Variants in NTNG1 observed in about 807,000 individuals in gnomAD.
NTNG1 encodes netrin G1, also known as netrin-G1.
Under a neutral mutation model 54.0 loss-of-function variants are expected in NTNG1, and 16 were observed. That is an observed-to-expected ratio of 0.30 (90% CI 0.20 to 0.45). NTNG1 has a LOEUF of 0.45. NTNG1 is among the 20% of genes least tolerant of loss of function. The pLI is 1.00. For synonymous variants in NTNG1, 255 were observed against 263.1 expected (o/e 0.97, Z 0.30); for missense variants, 530 against 678.7 (o/e 0.78, Z 2.43).
At chr1:107,281,540 A>G (rs990709539) in intron 2 of NTNG1, among the ~76,000 whole-genome samples, 6 of 152,198 alleles carry the variant, frequency 3.9e-5, no homozygotes, top group Non-Finnish European at 7.3e-5. Flanking sequence ...GTTGGCACAG[A>G]ACTGTGAGGA....
intron 3 of NTNG1, among the ~76,000 whole-genome samples, chr1:107,381,029 A>G (rs1046129205): frequency 2.0e-5 from 3 of 152,128 alleles, no homozygotes; most frequent in African/African-American, 7.2e-5. Flanking sequence ...GAAATAGTAA[A>G]AACTTAACCA....
At chr1:107,431,067 AT>A in intron 6 of NTNG1, 150 bp downstream of exon 6, 1 of 697,636 alleles carries the variant, frequency 1.4e-6, no homozygotes, top group Non-Finnish European at 2.4e-6. Context: ...TTCACTTGTG[AT>A]TTCACTTGTA....
chr1:107,266,616 G>GTT (rs545857167), intron 2 of NTNG1, among the ~76,000 whole-genome samples: 3 of 131,956 alleles, frequency 2.3e-5, no homozygotes, highest in Non-Finnish European at 4.8e-5. Context: ...TAGCAACATT[G>GTT]TTTTTTTTTT....
chr1:107,237,613 G>C (rs1034965905), intron 2 of NTNG1, among the ~76,000 whole-genome samples: 1 of 152,142 alleles, frequency 6.6e-6, no homozygotes, highest in African/African-American at 2.4e-5. Flanking sequence ...GCTGGGCCCA[G>C]GGTCCCTGTG....
chr1:107,256,715 C>A lies in NTNG1; in HGVS notation c.247-67567C>A, dbSNP rs369007499. 1.6e-4 allele frequency among the ~76,000 whole-genome samples: 25 copies of A among 152,120 alleles called. No homozygotes were observed. In the East Asian group the frequency reaches 1.9e-3, roughly 12 times the overall value. ...GCCTGGACGGGAGGAGAGGAGAGAG[C>A]GGGAGAGGAAGACAGGGCAAGGAAG... On this transcript the variant is annotated intron_variant, in intron 2 of 7. Transcript: ENST00000370068.
intron 2 of NTNG1, among the ~76,000 whole-genome samples, chr1:107,231,610 C>G (rs1414121845): frequency 2.0e-5 from 3 of 151,822 alleles, no homozygotes; most frequent in South Asian, 4.1e-4. Context: ...GAGAACTTCA[C>G]CACTTGTTAA....
chr1:107,285,065 A>G (rs555931868), intron 2 of NTNG1, among the ~76,000 whole-genome samples: 1 of 152,240 alleles, frequency 6.6e-6, no homozygotes, highest in South Asian at 2.1e-4. Context: ...ACATTTGAGA[A>G]TTACTAATTT....
chr1:107,326,909 A>G (rs532231615), intron 3 of NTNG1, among the ~76,000 whole-genome samples: 10 of 152,260 alleles, frequency 6.6e-5, no homozygotes, highest in East Asian at 3.9e-4. Flanking sequence ...TTCTCCACTG[A>G]TGTCAAGCAT....
chr1:107,413,957 G>T (rs1218298561), intron 5 of NTNG1, among the ~76,000 whole-genome samples: 6 of 152,104 alleles, frequency 3.9e-5, no homozygotes, highest in Non-Finnish European at 8.8e-5. Context: ...TTTCCTTGAT[G>T]GGAAAGTTAC....
chr1:107,421,639 A>G (rs1031709199), intron 5 of NTNG1, among the ~76,000 whole-genome samples: 19 of 152,068 alleles, frequency 1.2e-4, no homozygotes, highest in Non-Finnish European at 2.1e-4. Context: ...GCACTGGATT[A>G]AGTGTTGCTT....
intron 2 of NTNG1, among the ~76,000 whole-genome samples, chr1:107,304,374 A>G (rs1036280696): frequency 5.3e-5 from 8 of 152,188 alleles, no homozygotes; most frequent in African/African-American, 1.7e-4. Flanking sequence ...TAAGCTGCCA[A>G]TAAAATCAGT....
intron 2 of NTNG1, among the ~76,000 whole-genome samples, chr1:107,200,491 GGGGAACATTA>G (rs746407132): frequency 1.6e-3 from 3 of 1,906 alleles, no homozygotes; most frequent in African/African-American, 3.7e-3. Flanking sequence ...TCAGGCTGCA[GGGGAACATTA>G]GGGAACATGT....
At chr1:107,267,397 G>T (rs1245426347) in intron 2 of NTNG1, among the ~76,000 whole-genome samples, 2 of 152,192 alleles carry the variant, frequency 1.3e-5, no homozygotes, top group East Asian at 3.9e-4. Context: ...GGTAAATCAT[G>T]AAGAAAGGCT....
intron 2 of NTNG1, among the ~76,000 whole-genome samples, chr1:107,309,991 A>G (rs1437142842): frequency 6.6e-6 from 1 of 152,154 alleles, no homozygotes; most frequent in Non-Finnish European, 1.5e-5. Context: ...AGGTAAACCT[A>G]GGATAATACC....
intron 3 of NTNG1, among the ~76,000 whole-genome samples, chr1:107,393,945 A>G (rs1672518421): frequency 6.6e-6 from 1 of 152,118 alleles, no homozygotes; most frequent in African/African-American, 2.4e-5. Flanking sequence ...ATACTATAAT[A>G]TTTTTTGGTC....
chr1:107,424,510 C>A (rs886277355), intron 5 of NTNG1, among the ~76,000 whole-genome samples: 5 of 152,090 alleles, frequency 3.3e-5, no homozygotes, highest in Admixed American at 2.0e-4. Context: ...GTGGAGATGA[C>A]ATTATCACAA....
intron 3 of NTNG1, among the ~76,000 whole-genome samples, chr1:107,382,224 C>A (rs1397293545): frequency 1.3e-5 from 2 of 152,060 alleles, no homozygotes; most frequent in Non-Finnish European, 2.9e-5. Context: ...CTCACTACAA[C>A]TTAGATATTG....
At chr1:107,471,429 G>A (rs968335204) in intron 7 of NTNG1, among the ~76,000 whole-genome samples, 4 of 152,080 alleles carry the variant, frequency 2.6e-5, no homozygotes, top group African/African-American at 4.8e-5. Context: ...GTTTGCATCC[G>A]TACCTCCCCT....
At chr1:107,228,030 T>C (rs1660804014) in intron 2 of NTNG1, among the ~76,000 whole-genome samples, 1 of 152,200 alleles carries the variant, frequency 6.6e-6, no homozygotes, top group African/African-American at 2.4e-5. Flanking sequence ...GATAATAAAT[T>C]ATCTATTCTT....
Sources: allele counts gnomAD v4.1 joint callset (sites outside exome capture counted in the v4.1 genomes callset), GRCh38; gene constraint gnomAD v4.1.1; transcripts MANE v1.5; gene names NCBI Gene and HGNC (gene_info 2026-07-23, HGNC 2026-07-21).